Variants in TTC7B observed in about 807,000 individuals in gnomAD.
The protein encoded by TTC7B is tetratricopeptide repeat domain 7B.
Under a neutral mutation model 106.8 loss-of-function variants are expected in TTC7B, and 28 were observed. The ratio of observed to expected loss-of-function variants is 0.26; its 90% confidence interval spans 0.19 to 0.36. The LOEUF is 0.36. Ranked by LOEUF, TTC7B falls within the 10% of genes least tolerant of loss-of-function variation. TTC7B has a pLI of 1.00. For synonymous variants in TTC7B, 405 were observed against 430.6 expected, an observed-to-expected ratio of 0.94 and a Z score of 0.74; for missense variants, 862 against 1,076.4, an observed-to-expected ratio of 0.80 and a Z score of 2.79.
chr14:90,813,731 G>A (rs1440459294), intron 1 of TTC7B, among the ~76,000 whole-genome samples: 2 of 149,118 alleles, frequency 1.3e-5, no homozygotes, highest in East Asian at 2.0e-4. Context: ...TGTGACAAAC[G>A]TGACATTCAC....
chr14:90,559,986 GCCCC>G (rs1334942413), intron 19 of TTC7B, among the ~76,000 whole-genome samples: 6 of 152,170 alleles, frequency 3.9e-5, no homozygotes, highest in African/African-American at 1.4e-4. Context: ...TTCCCCCTTG[GCCCC>G]TGTCCCTCTG....
intron 7 of TTC7B, among the ~76,000 whole-genome samples, chr14:90,688,225 C>G (rs1046261645): frequency 6.6e-6 from 1 of 152,200 alleles, no homozygotes; most frequent in African/African-American, 2.4e-5. Flanking sequence ...AGTGGTGGCT[C>G]ATGCCTGTAA....
Position 90,531,657 on chromosome 14 carries a change from T to C in TTC7B, c.*9711A>G, listed in dbSNP as rs1396001179. 6.8e-6 allele frequency: 1 copy of C among 146,158 alleles called. No homozygotes were observed. The highest frequency in any genetic ancestry group is 1.5e-5 in the Non-Finnish European group (1 of 67,008). 9.1% of individuals were successfully genotyped at this position (146,158 alleles called of 1,614,324 possible). Reference sequence around the variant, plus strand: ...AAAAAAAAAAAAGCCGTGGGTGAACTGGCTTCATTTCTATACAGGAGCTCT... The same window carrying C: ...AAAAAAAAAAAAGCCGTGGGTGAACCGGCTTCATTTCTATACAGGAGCTCT... On this transcript the variant is annotated 3_prime_UTR_variant, in exon 20 of 20. Transcript: ENST00000328459.
intron 3 of TTC7B, among the ~76,000 whole-genome samples, chr14:90,760,476 A>T (rs763508646): frequency 2.0e-5 from 3 of 152,178 alleles, no homozygotes; most frequent in Non-Finnish European, 1.5e-5. Context: ...TCTCAACATG[A>T]TACATTTAAA....
intron 5 of TTC7B, chr14:90,697,674 T>C (rs1053121586): frequency 2.0e-5 from 3 of 152,242 alleles, no homozygotes; most frequent in Non-Finnish European, 2.9e-5. Flanking sequence ...GGTAATGCCC[T>C]GGGCTGCCGA....
chr14:90,675,801 T>C (rs539064859), intron 9 of TTC7B: 2 of 98,988 alleles, frequency 2.0e-5, no homozygotes, highest in Non-Finnish European at 4.4e-5. Context: ...TTTTAAAAAA[T>C]AGGGATTTTT....
At chr14:90,658,441 C>G in intron 9 of TTC7B, 54 bp from the exon 10 acceptor site, 1 of 1,502,854 alleles carries the variant, frequency 6.7e-7, no homozygotes, top group Non-Finnish European at 9.3e-7. Flanking sequence ...GGTGCCACAA[C>G]TGCACAAGTG....
At chr14:90,780,658 C>T in intron 3 of TTC7B, 80 bp downstream of exon 3, 1 of 1,509,402 alleles carries the variant, frequency 6.6e-7, no homozygotes, top group East Asian at 2.3e-5. Flanking sequence ...AGCCAAGGGC[C>T]AAGGGTCAAA....
intron 17 of TTC7B, among the ~76,000 whole-genome samples, chr14:90,594,715 G>A (rs891687021): frequency 6.6e-6 from 1 of 152,084 alleles, no homozygotes; most frequent in Non-Finnish European, 1.5e-5. Flanking sequence ...AGATAAATGC[G>A]ACTACAAAAT....
rs1284460175 is a variant in TTC7B at position 90,575,479 on chromosome 14, C to T, written c.2310+2627G>A. Among the ~76,000 whole-genome samples, 7 of 152,196 alleles carry T rather than the reference C, an allele frequency of 4.6e-5. No homozygotes were observed. On this transcript the variant is annotated intron_variant, in intron 19 of 19. Transcript: ENST00000328459. The surrounding 1 kb of genome is among the most constrained non-coding windows in gnomAD (Gnocchi z 5.2). The stretch of plus-strand genomic sequence containing the variant: ...ACAGAAACACAGCTTCCCTGTGTAG[C>T]TTGTAGGGAAGAGGACAGAGAGGGA...
At chr14:90,561,451 A>C (rs1890577005) in intron 19 of TTC7B, among the ~76,000 whole-genome samples, 1 of 152,244 alleles carries the variant, frequency 6.6e-6, no homozygotes, top group Non-Finnish European at 1.5e-5. Context: ...ATCAGGTTTC[A>C]AACAGGCATA....
At chr14:90,631,908 A>G (rs372018301) in intron 15 of TTC7B, among the ~76,000 whole-genome samples, 46 of 152,188 alleles carry the variant, frequency 3.0e-4, no homozygotes, top group African/African-American at 1.1e-3. Context: ...GGCTATTTGT[A>G]TATCTTCTTT....
chr14:90,553,350 CA>C (rs1392590185), intron 19 of TTC7B, among the ~76,000 whole-genome samples: 1 of 151,716 alleles, frequency 6.6e-6, no homozygotes, highest in Non-Finnish European at 1.5e-5. Flanking sequence ...CTCATTTTTT[CA>C]AAAAAACCTC....
intron 5 of TTC7B, among the ~76,000 whole-genome samples, chr14:90,728,200 A>T (rs1396969829): frequency 6.6e-6 from 1 of 152,020 alleles, no homozygotes; most frequent in Non-Finnish European, 1.5e-5. Context: ...GGGACCTTTG[A>T]GAGTACCTGG....
chr14:90,552,113 G>A (rs1890106785), intron 19 of TTC7B, among the ~76,000 whole-genome samples: 1 of 152,230 alleles, frequency 6.6e-6, no homozygotes, highest in African/African-American at 2.4e-5. Flanking sequence ...AAGCTCCACA[G>A]GGGCCAGGTC....
chr14:90,674,424 C>G (rs12889717), intron 9 of TTC7B, among the ~76,000 whole-genome samples: 52,840 of 152,142 alleles, frequency 0.35, 10,068 homozygotes, highest in East Asian at 0.6. Flanking sequence ...GGTGAATGCT[C>G]GCTCCAATTG....
intron 19 of TTC7B, among the ~76,000 whole-genome samples, chr14:90,576,956 G>A (rs187841066): frequency 2.0e-5 from 3 of 152,300 alleles, no homozygotes; most frequent in Admixed American, 2.0e-4. Flanking sequence ...AGGACACTGA[G>A]GTGCTGAGAG....
chr14:90,800,161 C>G (rs1428303337), intron 1 of TTC7B, among the ~76,000 whole-genome samples: 1 of 152,164 alleles, frequency 6.6e-6, no homozygotes, highest in Non-Finnish European at 1.5e-5. Context: ...ATGCCTCTGT[C>G]AGCCCTGTGG....
intron 5 of TTC7B, among the ~76,000 whole-genome samples, chr14:90,719,334 A>G (rs1226244521): frequency 6.6e-6 from 1 of 152,190 alleles, no homozygotes; most frequent in African/African-American, 2.4e-5. Context: ...TTGTTTCCCT[A>G]GAAAGCCTAA....
Sources: gnomAD v4.1 joint callset for allele counts (sites outside exome capture counted in the v4.1 genomes callset) on GRCh38, gnomAD v4.1.1 for gene constraint, Gnocchi (gnomAD v3.1) non-coding constraint, MANE v1.5 for transcripts, NCBI Gene and HGNC (gene_info 2026-07-23, HGNC 2026-07-21) for gene names.